The following WWOX variants were observed in gnomAD, a reference collection of about 807,000 sequenced individuals.
WWOX encodes the protein WW domain-containing oxidoreductase.
A neutral mutation model predicts 46.2 loss-of-function variants in WWOX; 69 were observed. The observed-to-expected ratio is 1.49, with a 90% CI of 1.23 to 1.82. The LOEUF (loss-of-function observed/expected upper bound fraction) is 1.82, where lower values mean the gene tolerates loss of function less well. Ranked by LOEUF, WWOX falls within the 40% of genes most tolerant of loss-of-function variation. WWOX has a pLI of 0.00. For synonymous variants in WWOX, 359 were observed against 202.6 expected (o/e 1.77, Z -6.56); for missense variants, 919 against 542.6 (o/e 1.69, Z -6.89).
intron 4 of WWOX, among the ~76,000 whole-genome samples, chr16:78,127,682 A>C (rs2033419279): frequency 6.6e-6 from 1 of 152,196 alleles, no homozygotes; most frequent in Admixed American, 6.5e-5. Flanking sequence ...GCATTAGCAC[A>C]CTTGTTCACC....
intron 4 of WWOX, among the ~76,000 whole-genome samples, chr16:78,142,072 A>G (rs2034008178): frequency 6.6e-6 from 1 of 151,800 alleles, no homozygotes; most frequent in Non-Finnish European, 1.5e-5. Context: ...TGATTTTCAC[A>G]ATGAAGGTAA....
intron 8 of WWOX, among the ~76,000 whole-genome samples, chr16:78,753,852 A>ATG: frequency 1.2e-5 from 1 of 84,596 alleles, no homozygotes; most frequent in South Asian, 5.1e-4. Context: ...ATATATATAT[A>ATG]TATGTATATG....
At position 78,804,428 on chromosome 16, in the gene WWOX, A is replaced by G. The variant is rs897365864; in HGVS notation, c.1056+371676A>G. On this transcript the variant is annotated intron_variant, in intron 8 of 8. Coordinates refer to ENST00000566780, the MANE Select transcript of WWOX (RefSeq NM_016373.4). The stretch of plus-strand genomic sequence containing the variant: ...GCGCTCAGCCAAATTAAAAAAAAAA[A>G]AAAGAAAGAAAGAATTGAAATGATG... Among the ~76,000 whole-genome samples the G allele has an allele frequency of 2.6e-5, 4 of 152,164 alleles. No individual in the cohort carries two copies. The East Asian group carries it at 5.8e-4, about 22-fold the overall frequency.
At chr16:78,188,950 G>T (rs1002527978) in intron 5 of WWOX, among the ~76,000 whole-genome samples, 2 of 152,164 alleles carry the variant, frequency 1.3e-5, no homozygotes, top group Admixed American at 1.3e-4. Flanking sequence ...CAAGGAAAAG[G>T]GGAAGGGAAT....
intron 8 of WWOX, among the ~76,000 whole-genome samples, chr16:78,566,858 G>A (rs16948100): frequency 2.6e-5 from 4 of 152,108 alleles, no homozygotes; most frequent in African/African-American, 9.7e-5. Context: ...GCTGTCATCA[G>A]TTCAGAGTTG....
intron 8 of WWOX, among the ~76,000 whole-genome samples, chr16:78,543,829 T>C (rs1240551382): frequency 6.6e-6 from 1 of 152,214 alleles, no homozygotes; most frequent in Non-Finnish European, 1.5e-5. Context: ...CAGGGCCTGA[T>C]AGGTGCCCTG....
chr16:79,066,062 G>A (rs76970573), intron 8 of WWOX, among the ~76,000 whole-genome samples: 1 of 151,962 alleles, frequency 6.6e-6, no homozygotes, highest in South Asian at 2.1e-4. Context: ...TTTGATAATC[G>A]CAGCCTCCAG....
At chr16:78,454,900 C>G (rs1008204175) in intron 8 of WWOX, among the ~76,000 whole-genome samples, 9 of 152,240 alleles carry the variant, frequency 5.9e-5, no homozygotes, top group Non-Finnish European at 7.3e-5. Flanking sequence ...CGCTAGATCA[C>G]AGTCTGTTCT....
At chr16:78,234,528 T>A (rs1342499813) in intron 5 of WWOX, among the ~76,000 whole-genome samples, 3 of 152,170 alleles carry the variant, frequency 2.0e-5, no homozygotes, top group Non-Finnish European at 4.4e-5. Context: ...ATATGCCCTT[T>A]TAGTTTTCAA....
intron 8 of WWOX, among the ~76,000 whole-genome samples, chr16:78,759,289 A>G (rs1159344587): frequency 6.6e-6 from 1 of 152,214 alleles, no homozygotes; most frequent in Non-Finnish European, 1.5e-5. Flanking sequence ...ACAGGATGCC[A>G]TGCTTGGTGA....
chr16:78,158,000 C>T (rs1312943223), intron 4 of WWOX, among the ~76,000 whole-genome samples: 1 of 152,218 alleles, frequency 6.6e-6, no homozygotes, highest in Non-Finnish European at 1.5e-5. Flanking sequence ...GAAACGATAA[C>T]TGAGTTTCAC....
chr16:79,160,192 T>C (rs935984908), intron 8 of WWOX, among the ~76,000 whole-genome samples: 1 of 152,206 alleles, frequency 6.6e-6, no homozygotes, highest in Non-Finnish European at 1.5e-5. Context: ...TTGTTCAAGA[T>C]GGGAGCTGTC....
At chr16:78,998,657 T>C (rs1176418945) in intron 8 of WWOX, among the ~76,000 whole-genome samples, 1 of 152,196 alleles carries the variant, frequency 6.6e-6, no homozygotes, top group Non-Finnish European at 1.5e-5. Context: ...TGTGTGTAGG[T>C]AAGCGGCTAG....
chr16:79,062,286 C>T (rs996536196), intron 8 of WWOX, among the ~76,000 whole-genome samples: 1 of 152,094 alleles, frequency 6.6e-6, no homozygotes, highest in South Asian at 2.1e-4. Flanking sequence ...AATAAAATGC[C>T]CAATACCTTC....
intron 5 of WWOX, among the ~76,000 whole-genome samples, chr16:78,317,936 T>C (rs2080388640): frequency 6.6e-6 from 1 of 152,348 alleles, no homozygotes; most frequent in African/African-American, 2.4e-5. Flanking sequence ...CTTTGCGAAT[T>C]TCTTTTTCAG....
intron 5 of WWOX, among the ~76,000 whole-genome samples, chr16:78,257,108 C>G (rs560449549): frequency 5.3e-4 from 81 of 152,004 alleles, no homozygotes; most frequent in African/African-American, 1.8e-3. Context: ...AGGCTCGTGG[C>G]GTGGGGTCTT....
intron 8 of WWOX, among the ~76,000 whole-genome samples, chr16:79,108,834 G>C (rs1271026672): frequency 6.6e-6 from 1 of 151,952 alleles, no homozygotes; most frequent in Non-Finnish European, 1.5e-5. Flanking sequence ...CCTGGAGGTC[G>C]AGACTGCAGT....
intron 8 of WWOX, among the ~76,000 whole-genome samples, chr16:78,503,022 C>T (rs1326080291): frequency 1.3e-5 from 2 of 152,190 alleles, no homozygotes; most frequent in Non-Finnish European, 1.5e-5. Context: ...TTAATGAGTC[C>T]ATGTTTCAGA....
chr16:78,983,483 A>G (rs1306414694), intron 8 of WWOX, among the ~76,000 whole-genome samples: 9 of 152,232 alleles, frequency 5.9e-5, no homozygotes, highest in South Asian at 2.1e-4. Context: ...AGGAAAGACC[A>G]TCATGCTATG....
Sources: allele counts gnomAD v4.1 joint callset (sites outside exome capture counted in the v4.1 genomes callset), GRCh38; gene constraint gnomAD v4.1.1; transcripts MANE v1.5; gene names NCBI Gene and HGNC (gene_info 2026-07-23, HGNC 2026-07-21).